GNAQ: variants seen among roughly 807,000 people sequenced by gnomAD.
The protein encoded by GNAQ is guanine nucleotide-binding protein G(q) subunit alpha.
Under a neutral mutation model 43.9 loss-of-function variants are expected in GNAQ, and 8 were observed. That is an observed-to-expected ratio of 0.18 (90% CI 0.11 to 0.33). The LOEUF (loss-of-function observed/expected upper bound fraction) is 0.33. GNAQ is among the 10% of genes least tolerant of loss of function. The pLI is 1.00. For synonymous variants in GNAQ, 155 were observed against 170.7 expected (o/e 0.91, Z 0.71); for missense variants, 158 against 450.8 (o/e 0.35, Z 5.88).
At chr9:78,022,324 T>C (rs1041629970) in intron 1 of GNAQ, among the ~76,000 whole-genome samples, 3 of 152,112 alleles carry the variant, frequency 2.0e-5, no homozygotes, top group African/African-American at 7.2e-5. Flanking sequence ...AAATGGTCCT[T>C]AGAGATCATC....
chr9:77,774,783 AG>A (rs1180623740), intron 5 of GNAQ, among the ~76,000 whole-genome samples: 4 of 152,216 alleles, frequency 2.6e-5, no homozygotes, highest in Non-Finnish European at 4.4e-5. Flanking sequence ...TTATTTTATT[AG>A]ATTTTAATCT....
At chr9:77,726,512 T>TC in intron 6 of GNAQ, among the ~76,000 whole-genome samples, 1 of 152,328 alleles carries the variant, frequency 6.6e-6, no homozygotes, top group East Asian at 1.9e-4. Flanking sequence ...TAAACCTCCA[T>TC]CCCTGATGTG....
At chr9:78,029,073 A>C (rs1049730141) in intron 1 of GNAQ, among the ~76,000 whole-genome samples, 3 of 152,192 alleles carry the variant, frequency 2.0e-5, no homozygotes, top group Non-Finnish European at 4.4e-5. Context: ...TTAAAAGCAC[A>C]GTGTTATTTA....
intron 2 of GNAQ, among the ~76,000 whole-genome samples, chr9:77,852,164 C>G (rs970953261): frequency 6.6e-6 from 1 of 152,134 alleles, no homozygotes; most frequent in Non-Finnish European, 1.5e-5. Context: ...GCAGCCAAGT[C>G]GGTTAGGCAA....
chr9:77,944,352 C>T (rs1393730639), intron 1 of GNAQ, among the ~76,000 whole-genome samples: 1 of 151,446 alleles, frequency 6.6e-6, no homozygotes, highest in Non-Finnish European at 1.5e-5. Context: ...CCAATAGAGG[C>T]TGTTTTATGA....
At chr9:77,801,805 T>C (rs1036427626) in intron 3 of GNAQ, among the ~76,000 whole-genome samples, 1 of 152,168 alleles carries the variant, frequency 6.6e-6, no homozygotes, top group Middle Eastern at 3.4e-3. Context: ...GCTCCTAGAG[T>C]AAAATCTGGG....
At chr9:77,815,826 G>T in intron 2 of GNAQ, 56 bp from the exon 3 acceptor site, 4 of 1,200,374 alleles carry the variant, frequency 3.3e-6, no homozygotes, top group Non-Finnish European at 4.9e-6. Context: ...AATTTTCTTT[G>T]CTTTGCATAT....
chr9:78,002,885 T>C (rs1823660842), intron 1 of GNAQ, among the ~76,000 whole-genome samples: 1 of 152,210 alleles, frequency 6.6e-6, no homozygotes, highest in South Asian at 2.1e-4. Flanking sequence ...GTAGAAAATG[T>C]CACATTTCCT....
At chr9:77,897,947 A>AGG in intron 2 of GNAQ, among the ~76,000 whole-genome samples, 1 of 150,564 alleles carries the variant, frequency 6.6e-6, no homozygotes, top group African/African-American at 2.4e-5. Flanking sequence ...CCCTGGAAAA[A>AGG]AAAAAAAAAA....
rs1342911564 is a variant in GNAQ at position 77,760,863 on chromosome 9, C to T, written c.736-32196G>A. On this transcript the variant is annotated intron_variant, in intron 5 of 6. Transcript: ENST00000286548. ...GGGGAGTGCCTTTGCGCCACCGCCC[C>T]GTCTGGGATGTGAGGAGTGCCTCTG... Among the ~76,000 whole-genome samples, 12 of 150,192 alleles carry T rather than the reference C, an allele frequency of 8.0e-5. 1 individual carries two copies. In the East Asian group the frequency reaches 1.8e-3, roughly 23 times the overall value.
At chr9:77,826,156 T>G (rs1201741237) in intron 2 of GNAQ, among the ~76,000 whole-genome samples, 1 of 152,190 alleles carries the variant, frequency 6.6e-6, no homozygotes, top group Non-Finnish European at 1.5e-5. Context: ...AGTACATATA[T>G]TTTTATGAAA....
chr9:77,824,834 C>T lies in GNAQ; in HGVS notation c.322-9064G>A, dbSNP rs139623681. On this transcript the variant is annotated intron_variant, in intron 2 of 6. Coordinates refer to ENST00000286548, the MANE Select transcript of GNAQ (RefSeq NM_002072.5). ...GTTTTTCTTCTGCTAAGAGAATTAA[C>T]AGATTAATTGCTATTGCTTCATTTT... Among the ~76,000 whole-genome samples, 159 of 152,218 alleles carry T rather than the reference C, an allele frequency of 1.0e-3. 1 individual carries two copies. The highest frequency in any genetic ancestry group is 2.0e-3 in the Admixed American group (30 of 15,294).
intron 1 of GNAQ, among the ~76,000 whole-genome samples, chr9:77,976,468 G>T (rs1162856698): frequency 2.6e-5 from 4 of 151,980 alleles, no homozygotes; most frequent in Admixed American, 1.3e-4. Context: ...TCTCAACTCA[G>T]TGCAACCTCC....
intron 2 of GNAQ, among the ~76,000 whole-genome samples, chr9:77,851,294 T>G (rs1009101767): frequency 6.6e-6 from 1 of 152,182 alleles, no homozygotes; most frequent in Admixed American, 6.5e-5. Context: ...AAAGTTTTTG[T>G]GATAAACCTC....
chr9:77,996,677 C>CAAAAAA (rs3083223), intron 1 of GNAQ, among the ~76,000 whole-genome samples: 276 of 105,070 alleles, frequency 2.6e-3, no homozygotes, highest in Middle Eastern at 9.3e-3. Flanking sequence ...GACTCCATCT[C>CAAAAAA]AAAAAAAAAA....
At chr9:77,874,134 A>G (rs954204472) in intron 2 of GNAQ, among the ~76,000 whole-genome samples, 2 of 151,958 alleles carry the variant, frequency 1.3e-5, no homozygotes, top group African/African-American at 2.4e-5. Flanking sequence ...ACAAAAAAAC[A>G]AAAAAACAAG....
intron 1 of GNAQ, among the ~76,000 whole-genome samples, chr9:77,958,108 T>G (rs1254431668): frequency 6.6e-6 from 1 of 152,212 alleles, no homozygotes; most frequent in Non-Finnish European, 1.5e-5. Flanking sequence ...AATAGTAGAG[T>G]AGCTATTAAC....
At chr9:77,966,633 A>G (rs1425015003) in intron 1 of GNAQ, among the ~76,000 whole-genome samples, 1 of 152,234 alleles carries the variant, frequency 6.6e-6, no homozygotes. Flanking sequence ...TAGGGCATTA[A>G]TAAACACTAA....
rs115034758 is a variant in GNAQ, at chr9:77,980,845, A to G, written c.136+50255T>C. Among the ~76,000 whole-genome samples, 900 of 152,338 alleles carry G rather than the reference A, an allele frequency of 5.9e-3. 8 individuals carry two copies. Among genetic ancestry groups the G allele is most frequent in the African/African-American group, 0.02 (818 of 41,564 alleles). On this transcript the variant is annotated intron_variant, in intron 1 of 6. Coordinates refer to ENST00000286548, the MANE Select transcript of GNAQ (RefSeq NM_002072.5). ...TCATGCATAGAAACATGATGTCACTAAAACAACTTCAAAACTGTGGCAGTA... is the reference window on the plus strand; with the variant it reads ...TCATGCATAGAAACATGATGTCACTGAAACAACTTCAAAACTGTGGCAGTA...
Sources: gnomAD v4.1 joint callset for allele counts (sites outside exome capture counted in the v4.1 genomes callset) on GRCh38, gnomAD v4.1.1 for gene constraint, MANE v1.5 for transcripts, NCBI Gene and HGNC (gene_info 2026-07-23, HGNC 2026-07-21) for gene names.